Variants in PTPRN2 observed in about 807,000 individuals in gnomAD.
PTPRN2 encodes receptor-type tyrosine-protein phosphatase N2.
A neutral mutation model predicts 118.8 loss-of-function variants in PTPRN2; 74 were observed. The ratio of observed to expected loss-of-function variants is 0.62; its 90% confidence interval spans 0.52 to 0.76. PTPRN2 has a LOEUF of 0.76. Among genes scored for constraint, PTPRN2 ranks in the 30% least tolerant of loss-of-function variants. The probability of loss-of-function intolerance (pLI) is 0.00; values close to 1 mark genes in which losing one functional copy is unlikely to be tolerated. For missense variants in PTPRN2, 1,481 were observed against 1,394.4 expected, an observed-to-expected ratio of 1.06 and a Z score of -0.99; for synonymous variants, 641 against 608.0, an observed-to-expected ratio of 1.05 and a Z score of -0.80.
intron 13 of PTPRN2, among the ~76,000 whole-genome samples, chr7:157,661,370 C>G (rs1029367929): frequency 6.6e-6 from 1 of 152,178 alleles, no homozygotes; most frequent in Non-Finnish European, 1.5e-5. Flanking sequence ...CAGAGGGAGA[C>G]GCTGCCGTGG....
At chr7:158,119,614 G>GA (rs1563460397) in intron 9 of PTPRN2, among the ~76,000 whole-genome samples, 123 of 147,178 alleles carry the variant, frequency 8.4e-4, no homozygotes, top group African/African-American at 2.9e-3. Context: ...TTTGAAAGAG[G>GA]GAGAGAGAGA....
chr7:157,928,330 A>T (rs892723), intron 11 of PTPRN2, among the ~76,000 whole-genome samples: 4 of 152,004 alleles, frequency 2.6e-5, no homozygotes, highest in South Asian at 2.1e-4. Flanking sequence ...GGTCGCCTGG[A>T]GATCCCACAG....
At chr7:158,272,386 G>A (rs1009255170) in intron 3 of PTPRN2, among the ~76,000 whole-genome samples, 4 of 152,314 alleles carry the variant, frequency 2.6e-5, no homozygotes, top group African/African-American at 7.2e-5. Flanking sequence ...GGGTCCCAAC[G>A]TCACTGTCTA....
At chr7:158,329,469 G>A (rs960775339) in intron 2 of PTPRN2, among the ~76,000 whole-genome samples, 1 of 152,166 alleles carries the variant, frequency 6.6e-6, no homozygotes, top group Non-Finnish European at 1.5e-5. Context: ...CGAGGAGGTG[G>A]GGCCTTCCTT....
At chr7:157,761,153 C>T (rs560646398) in intron 12 of PTPRN2, among the ~76,000 whole-genome samples, 46 of 148,712 alleles carry the variant, frequency 3.1e-4, no homozygotes, top group African/African-American at 1.2e-3. Context: ...GAATCAATAT[C>T]GTGAAAATGG....
intron 2 of PTPRN2, among the ~76,000 whole-genome samples, chr7:158,446,482 A>G (rs1039882770): frequency 6.6e-6 from 1 of 150,936 alleles, no homozygotes; most frequent in African/African-American, 2.4e-5. Context: ...AGGCTCTGCA[A>G]TGGACACACG....
chr7:158,266,445 T>C (rs920250555), intron 3 of PTPRN2, among the ~76,000 whole-genome samples: 8 of 150,474 alleles, frequency 5.3e-5, no homozygotes, highest in Non-Finnish European at 1.0e-4. Context: ...GGATGGTGTC[T>C]GCTGCGGGGT....
chr7:158,232,658 G>A (rs1389222969), intron 3 of PTPRN2, among the ~76,000 whole-genome samples: 1 of 151,412 alleles, frequency 6.6e-6, no homozygotes, highest in Non-Finnish European at 1.5e-5. Flanking sequence ...AGGACTATAG[G>A]CATAGACACA....
intron 15 of PTPRN2, among the ~76,000 whole-genome samples, chr7:157,612,554 C>T (rs55711537): frequency 0.046 from 7,054 of 152,238 alleles, 216 homozygotes; most frequent in East Asian, 0.19. Context: ...GATTAACGCC[C>T]GTTTTGTGGA....
chr7:158,376,430 A>AG (rs564445203), intron 2 of PTPRN2, among the ~76,000 whole-genome samples: 20 of 121,750 alleles, frequency 1.6e-4, no homozygotes, highest in East Asian at 7.8e-4. Flanking sequence ...ATACGTCCTG[A>AG]GGGAGGGGTT....
intron 2 of PTPRN2, among the ~76,000 whole-genome samples, chr7:158,380,353 T>C (rs558194278): frequency 6.6e-6 from 1 of 152,332 alleles, no homozygotes; most frequent in Non-Finnish European, 1.5e-5. Flanking sequence ...ATTTGTTAAA[T>C]ACAGCCATTC....
chr7:158,235,025 G>C (rs923859356), intron 3 of PTPRN2, among the ~76,000 whole-genome samples: 1 of 152,194 alleles, frequency 6.6e-6, no homozygotes, highest in African/African-American at 2.4e-5. Context: ...GCCTCCCAAA[G>C]TGATGGGATT....
Position 157,629,654 on chromosome 7 carries a change from G to A in PTPRN2, c.2197-8145C>T, listed in dbSNP as rs553296514. ...GTGGAAACTGTCCTGGTGAAACTTC[G>A]TTCCTACAACGATGCTGCCAGCAGT... On this transcript the variant is annotated intron_variant, in intron 14 of 22. Coordinates refer to ENST00000389418, the MANE Select transcript of PTPRN2 (RefSeq NM_002847.5). The surrounding 1 kb of genome is among the most constrained non-coding windows in gnomAD (Gnocchi z 4.4). Among the ~76,000 whole-genome samples, 35 of 152,266 alleles carry A rather than the reference G, an allele frequency of 2.3e-4. 1 individual carries two copies. The highest frequency in any genetic ancestry group is 7.0e-4 in the African/African-American group (29 of 41,550).
rs890300086 is a variant in PTPRN2, at chr7:157,831,515, C to T, written c.1788+67158G>A. ...CTGCCCTCCCCATCCCTGTCCACGG[C>T]CCCTCTCACCCTGCAGTACTGAGCA... On this transcript the variant is annotated intron_variant, in intron 12 of 22. Transcript: ENST00000389418. The surrounding 1 kb of genome is among the most constrained non-coding windows in gnomAD (Gnocchi z 4.8). Among the ~76,000 whole-genome samples the T allele has an allele frequency of 1.3e-5, 2 of 152,140 alleles. No homozygotes were observed. The highest frequency in any genetic ancestry group is 2.9e-5 in the Non-Finnish European group (2 of 68,016).
At chr7:158,373,386 A>G (rs1810256283) in intron 2 of PTPRN2, among the ~76,000 whole-genome samples, 1 of 152,230 alleles carries the variant, frequency 6.6e-6, no homozygotes, top group South Asian at 2.1e-4. Context: ...CTAATTTCAT[A>G]GCGTTAGCTG....
intron 3 of PTPRN2, among the ~76,000 whole-genome samples, chr7:158,267,633 G>A (rs930861175): frequency 2.0e-5 from 3 of 152,198 alleles, no homozygotes; most frequent in Admixed American, 6.5e-5. Flanking sequence ...TCGCCCCTGA[G>A]AGCTCCTGGT....
intron 9 of PTPRN2, among the ~76,000 whole-genome samples, chr7:158,123,020 G>A (rs796864625): frequency 5.9e-5 from 9 of 152,142 alleles, no homozygotes; most frequent in East Asian, 3.9e-4. Flanking sequence ...TCACCAGCCC[G>A]ATCTGGGACA....
At chr7:157,879,381 G>GCA (rs149240774) in intron 12 of PTPRN2, among the ~76,000 whole-genome samples, 5 of 152,024 alleles carry the variant, frequency 3.3e-5, no homozygotes, top group African/African-American at 4.8e-5. Context: ...ACGTGCATGT[G>GCA]CACACACACA....
rs545803626 is a variant in PTPRN2, at chr7:158,544,412, G to T, written c.112+43146C>A. On this transcript the variant is annotated intron_variant, in intron 1 of 22. Coordinates refer to ENST00000389418, the MANE Select transcript of PTPRN2 (RefSeq NM_002847.5). This position sits in a 1 kb window ranked among gnomAD's most constrained non-coding sequence, Gnocchi z 4.2. ...GCACTTTGGGAGGCCAAGGCGGATG[G>T]ATCACTTGAGGTCAGGAGTTTGAGA... is the stretch of plus-strand genomic sequence containing the variant. 4.7e-4 allele frequency among the ~76,000 whole-genome samples: 71 copies of T among 152,242 alleles called. 1 individual carries two copies. The South Asian group carries it at 0.014, about 31-fold the overall frequency.
Sources: gnomAD v4.1 joint callset for allele counts (sites outside exome capture counted in the v4.1 genomes callset) on GRCh38, gnomAD v4.1.1 for gene constraint, Gnocchi (gnomAD v3.1) non-coding constraint, MANE v1.5 for transcripts, NCBI Gene and HGNC (gene_info 2026-07-23, HGNC 2026-07-21) for gene names.